Variants in BARD1 observed in about 807,000 individuals in gnomAD.
BARD1 encodes the protein BRCA1 associated RING domain 1, also known as BRCA1-associated RING domain protein 1.
BARD1 carries 73 observed loss-of-function variants against 77.0 expected under a neutral mutation model. The ratio of observed to expected loss-of-function variants is 0.95; its 90% CI spans 0.79 to 1.15. The LOEUF is 1.15. Ranked by LOEUF, BARD1 falls within the 50% of genes most tolerant of loss-of-function variation. The pLI, the probability that BARD1 is intolerant of heterozygous loss-of-function variation, is 0.00. For synonymous variants in BARD1, 384 were observed against 338.0 expected (o/e 1.14, Z -1.49); for missense variants, 993 against 938.8 (o/e 1.06, Z -0.75).
chr2:214,808,957 C>T (rs1696416812), intron 1 of BARD1, among the ~76,000 whole-genome samples: 1 of 152,232 alleles, frequency 6.6e-6, no homozygotes, highest in South Asian at 2.1e-4. Context: ...GCCAGTTTAA[C>T]TTAGAGTGGC....
chr2:214,791,200 A>G (rs77159373), intron 3 of BARD1, among the ~76,000 whole-genome samples: 8,572 of 152,284 alleles, frequency 0.056, 304 homozygotes, highest in African/African-American at 0.091. Flanking sequence ...AATGACGCAG[A>G]TAACTAGCTG....
At chr2:214,741,972 A>G (rs1361382897) in intron 9 of BARD1, among the ~76,000 whole-genome samples, 1 of 152,222 alleles carries the variant, frequency 6.6e-6, no homozygotes, top group Non-Finnish European at 1.5e-5. Flanking sequence ...TGTGTTGATT[A>G]TCTATAGAGA....
chr2:214,748,832 T>C (rs1167219671), intron 7 of BARD1, among the ~76,000 whole-genome samples: 15 of 150,066 alleles, frequency 1.0e-4, no homozygotes, highest in Non-Finnish European at 2.1e-4. Context: ...GAGGCAAGTA[T>C]GTATCATAAA....
rs763228302 is a variant in BARD1, at chr2:214,736,940, GACTA to G, written c.1904-6436_1904-6433del. Among the ~76,000 whole-genome samples, 76 of 152,246 alleles carry G rather than the reference GACTA, an allele frequency of 5.0e-4. 1 individual carries two copies. The highest frequency in any genetic ancestry group is 8.4e-4 in the Non-Finnish European group (57 of 67,974). ...ATTTGCAGAATCCTGTGTCACCTAAGACTAACTAAGGAAGAATGAAAGTAGCTCT... is the reference window on the plus strand; with the variant it reads ...ATTTGCAGAATCCTGTGTCACCTAAGACTAAGGAAGAATGAAAGTAGCTCT... On this transcript the variant is annotated intron_variant, in intron 9 of 10. Transcript: ENST00000260947.
At chr2:214,782,885 A>T (rs1476369019) in intron 3 of BARD1, among the ~76,000 whole-genome samples, 1 of 152,240 alleles carries the variant, frequency 6.6e-6, no homozygotes, top group Non-Finnish European at 1.5e-5. Context: ...TGTGGCTATC[A>T]TCCAAGAGGA....
Position 214,792,335 on chromosome 2 carries a change from C to G in BARD1, c.326G>C (p.Ser109Thr). The change falls in exon 3 of 11, where the codon AGT becomes ACT. Residue 109 changes from serine to threonine, a missense_variant. Transcript: ENST00000260947. ...GTCATGTAGCAAATTTCGAAGCTTA[C>G]TACAAAGTTGAATCATGCTGTCCAG... ...RQLDSMIQLC[S>T]KLRNLLHDNE... 6.2e-7 allele frequency: 1 copy of G among 1,613,190 alleles called. No homozygotes were observed. Among genetic ancestry groups the G allele is most frequent in the Non-Finnish European group, 8.5e-7 (1 of 1,179,668 alleles).
At chr2:214,746,968 C>T (rs993442750) in intron 7 of BARD1, among the ~76,000 whole-genome samples, 6 of 151,874 alleles carry the variant, frequency 4.0e-5, no homozygotes, top group Admixed American at 2.0e-4. Context: ...TGACAAAGGG[C>T]TAATATCCAG....
intron 1 of BARD1, among the ~76,000 whole-genome samples, chr2:214,803,164 G>A (rs1453667024): frequency 3.4e-5 from 5 of 147,610 alleles, no homozygotes; most frequent in African/African-American, 1.3e-4. Flanking sequence ...CTAATCTCAA[G>A]TACCCAGGGA....
At chr2:214,741,412 A>C (rs1239235330) in intron 9 of BARD1, among the ~76,000 whole-genome samples, 1 of 152,170 alleles carries the variant, frequency 6.6e-6, no homozygotes, top group African/African-American at 2.4e-5. Flanking sequence ...CTAAAAGAAT[A>C]GGTCAGTAGA....
At chr2:214,792,149 T>G (rs1467750664) in intron 3 of BARD1, 148 bp downstream of exon 3, 7 of 760,026 alleles carry the variant, frequency 9.2e-6, no homozygotes, top group South Asian at 2.1e-5. Context: ...CAATGGCTAT[T>G]TAAAAAAAAA....
chr2:214,798,856 T>C (rs1559443794), intron 1 of BARD1, among the ~76,000 whole-genome samples: 1 of 151,546 alleles, frequency 6.6e-6, no homozygotes, highest in Non-Finnish European at 1.5e-5. Flanking sequence ...CTGAGGCTCA[T>C]GCCTGTAATC....
intron 1 of BARD1, among the ~76,000 whole-genome samples, chr2:214,801,601 T>C (rs949826734): frequency 6.6e-6 from 1 of 152,194 alleles, no homozygotes; most frequent in African/African-American, 2.4e-5. Context: ...CTTACAACTA[T>C]TATTAGCCTA....
chr2:214,783,522 T>C (rs1215307353), intron 3 of BARD1, among the ~76,000 whole-genome samples: 1 of 151,868 alleles, frequency 6.6e-6, no homozygotes, highest in Non-Finnish European at 1.5e-5. Context: ...TGGGAAGACA[T>C]GGACACAGGG....
chr2:214,738,666 G>A (rs1441053504), intron 9 of BARD1, among the ~76,000 whole-genome samples: 1 of 151,976 alleles, frequency 6.6e-6, no homozygotes, highest in East Asian at 1.9e-4. Context: ...AAAAAAAGGA[G>A]GGGTGTTCCT....
At chr2:214,788,604 G>T (rs1022486811) in intron 3 of BARD1, among the ~76,000 whole-genome samples, 9 of 151,812 alleles carry the variant, frequency 5.9e-5, no homozygotes, top group African/African-American at 1.9e-4. Context: ...TGAACTACAG[G>T]GTTTTTAAAA....
Position 214,797,053 on chromosome 2 carries a change from T to C in BARD1, c.215+8A>G. On this transcript the variant is annotated splice_region_variant and intron_variant, in intron 2 of 10. Coordinates refer to ENST00000260947, the MANE Select transcript of BARD1 (RefSeq NM_000465.4). Reference sequence around the variant, plus strand: ...TTGTACTATATACATCAAACCGTAATTACTTACCTACAGAAGATGTGCTCA... The same window carrying C: ...TTGTACTATATACATCAAACCGTAACTACTTACCTACAGAAGATGTGCTCA... 1 of 1,604,502 alleles carries C rather than the reference T, an allele frequency of 6.2e-7. No individual in the cohort carries two copies. The highest frequency in any genetic ancestry group is 8.5e-7 in the Non-Finnish European group (1 of 1,171,412).
At chr2:214,791,089 A>T (rs1695490381) in intron 3 of BARD1, among the ~76,000 whole-genome samples, 1 of 152,234 alleles carries the variant, frequency 6.6e-6, no homozygotes, top group South Asian at 2.1e-4. Flanking sequence ...CATTTTTAAA[A>T]AACGGCAACT....
chr2:214,775,611 T>C (rs1694703341), intron 4 of BARD1, among the ~76,000 whole-genome samples: 1 of 152,050 alleles, frequency 6.6e-6, no homozygotes, highest in South Asian at 2.1e-4. Context: ...AAAACAGCAC[T>C]GACAGACTTG....
At chr2:214,778,890 C>A (rs971888653) in intron 4 of BARD1, among the ~76,000 whole-genome samples, 1 of 152,054 alleles carries the variant, frequency 6.6e-6, no homozygotes, top group Non-Finnish European at 1.5e-5. Flanking sequence ...TAAATGCTTG[C>A]CTGATAGTCC....
Sources: gnomAD v4.1 joint callset for allele counts (sites outside exome capture counted in the v4.1 genomes callset) on GRCh38, gnomAD v4.1.1 for gene constraint, MANE v1.5 for transcripts, NCBI Gene and HGNC (gene_info 2026-07-23, HGNC 2026-07-21) for gene names.